The following PTK2 variants were observed in gnomAD, a reference collection of about 807,000 sequenced individuals.
The protein encoded by PTK2 is focal adhesion kinase 1.
PTK2 carries 45 observed loss-of-function variants against 150.1 expected under a neutral mutation model. That is an observed-to-expected ratio of 0.30 (90% CI 0.24 to 0.38). The LOEUF (loss-of-function observed/expected upper bound fraction) is 0.38. Among genes scored for constraint, PTK2 ranks in the 10% least tolerant of loss-of-function variants. The pLI is 1.00. For synonymous variants in PTK2, 432 were observed against 449.2 expected, an observed-to-expected ratio of 0.96 and a Z score of 0.48; for missense variants, 919 against 1,307.3, an observed-to-expected ratio of 0.70 and a Z score of 4.58.
At chr8:140,981,648 A>C (rs1294501634) in intron 1 of PTK2, among the ~76,000 whole-genome samples, 7 of 152,256 alleles carry the variant, frequency 4.6e-5, no homozygotes, top group Non-Finnish European at 8.8e-5. Flanking sequence ...GTTTCACGGC[A>C]TGTGAAAATT....
At chr8:140,789,873 G>GA (rs1327300689) in intron 13 of PTK2, among the ~76,000 whole-genome samples, 1 of 151,546 alleles carries the variant, frequency 6.6e-6, no homozygotes, top group Non-Finnish European at 1.5e-5. Flanking sequence ...AAAGTTATGA[G>GA]AAAAAAAACA....
intron 2 of PTK2, among the ~76,000 whole-genome samples, chr8:140,905,502 A>C (rs1195264336): frequency 1.3e-5 from 2 of 152,230 alleles, no homozygotes; most frequent in Non-Finnish European, 2.9e-5. Flanking sequence ...ATATGCACCC[A>C]ATACAGGAGC....
intron 13 of PTK2, among the ~76,000 whole-genome samples, chr8:140,791,008 C>A (rs549575543): frequency 1.3e-5 from 2 of 152,324 alleles, no homozygotes; most frequent in East Asian, 3.9e-4. Flanking sequence ...CAGCTCTTAT[C>A]TGATCAACAG....
chr8:140,905,146 C>G (rs765021884), intron 2 of PTK2, among the ~76,000 whole-genome samples: 47 of 152,182 alleles, frequency 3.1e-4, no homozygotes, highest in Non-Finnish European at 4.0e-4. Flanking sequence ...TATAAATTTC[C>G]CTCTAAACAC....
chr8:140,933,821 T>A (rs574021980), intron 1 of PTK2, among the ~76,000 whole-genome samples: 1 of 152,138 alleles, frequency 6.6e-6, no homozygotes, highest in East Asian at 1.9e-4. Context: ...GTGGTGATTG[T>A]ACTCATTGTA....
chr8:140,955,310 C>A (rs1050051569), intron 1 of PTK2, among the ~76,000 whole-genome samples: 2 of 152,132 alleles, frequency 1.3e-5, no homozygotes, highest in Non-Finnish European at 2.9e-5. Context: ...ATAAGTCTCA[C>A]AAGATCTGAG....
At chr8:140,764,587 AC>A (rs1351401088) in intron 14 of PTK2, 8 of 427,878 alleles carry the variant, frequency 1.9e-5, no homozygotes, top group African/African-American at 1.6e-4. Context: ...CTTCAAATTA[AC>A]CAATCTACCA....
At chr8:140,915,363 GACCAGACCAGAT>G (rs1424828119) in intron 2 of PTK2, among the ~76,000 whole-genome samples, 2 of 151,988 alleles carry the variant, frequency 1.3e-5, no homozygotes, top group Admixed American at 1.3e-4. Flanking sequence ...AGGAGTTTGA[GACCAGACCAGAT>G]GACACAGCAA....
At chr8:140,744,556 G>T in intron 19 of PTK2, 96 bp downstream of exon 22, 2 of 636,022 alleles carry the variant, frequency 3.1e-6, no homozygotes, top group East Asian at 2.6e-5. Context: ...AGGGGACCCT[G>T]GATCCAAAAG....
intron 27 of PTK2, among the ~76,000 whole-genome samples, chr8:140,685,830 A>G (rs528246669): frequency 2.0e-5 from 3 of 152,212 alleles, no homozygotes; most frequent in Non-Finnish European, 4.4e-5. Flanking sequence ...CAATTTGGCG[A>G]TGTCTCAGAA....
intron 25 of PTK2, among the ~76,000 whole-genome samples, 200 bp downstream of exon 28, chr8:140,702,370 C>A (rs1196839157): frequency 6.6e-6 from 1 of 150,700 alleles, no homozygotes; most frequent in Admixed American, 6.6e-5. Flanking sequence ...CAGGCACATA[C>A]CACCATACGT....
intron 2 of PTK2, among the ~76,000 whole-genome samples, chr8:140,896,798 G>T (rs2100156470): frequency 2.0e-5 from 2 of 101,670 alleles, no homozygotes; most frequent in African/African-American, 6.2e-5. Flanking sequence ...CGGGGGGGGG[G>T]GGTGGGTAAA....
At chr8:140,818,130 A>G (rs1397368299) in intron 10 of PTK2, 147 bp downstream of exon 10, 2 of 692,352 alleles carry the variant, frequency 2.9e-6, no homozygotes, top group Non-Finnish European at 4.9e-6. Flanking sequence ...ACTTTCTCTT[A>G]CTTGTCCCCC....
chr8:140,893,170 T>C (rs2100154799), intron 2 of PTK2, among the ~76,000 whole-genome samples: 1 of 151,904 alleles, frequency 6.6e-6, no homozygotes, highest in Non-Finnish European at 1.5e-5. Context: ...TCTATAAAAA[T>C]TAACTGGGCA....
intron 1 of PTK2, among the ~76,000 whole-genome samples, chr8:140,944,289 T>C (rs765407815): frequency 2.6e-5 from 4 of 152,228 alleles, no homozygotes; most frequent in African/African-American, 7.2e-5. Context: ...AATACTGCAT[T>C]TTAACACGAC....
At chr8:140,967,408 G>C (rs2100185665) in intron 1 of PTK2, among the ~76,000 whole-genome samples, 1 of 151,716 alleles carries the variant, frequency 6.6e-6, no homozygotes, top group South Asian at 2.1e-4. Context: ...ATGTCTGTTT[G>C]ATGCTAAGTG....
At chr8:140,960,063 G>A (rs1324283900) in intron 1 of PTK2, among the ~76,000 whole-genome samples, 1 of 150,666 alleles carries the variant, frequency 6.6e-6, no homozygotes, top group African/African-American at 2.4e-5. Flanking sequence ...ACCTACCTGT[G>A]GTTATCCCTG....
chr8:140,879,724 CA>C (rs1244026496), intron 3 of PTK2, 87 bp from the exon 4 acceptor site: 933 of 790,422 alleles, frequency 1.2e-3, no homozygotes, highest in East Asian at 1.8e-3. Flanking sequence ...AAAAACAAAA[CA>C]AAAAAAAAAC....
At chr8:140,786,350 G>C (rs1270336381) in intron 14 of PTK2, among the ~76,000 whole-genome samples, 2 of 152,150 alleles carry the variant, frequency 1.3e-5, no homozygotes. Flanking sequence ...ACCTTGGTGT[G>C]TCAGCACTAC....
Sources: gnomAD v4.1 joint callset for allele counts (sites outside exome capture counted in the v4.1 genomes callset) on GRCh38, gnomAD v4.1.1 for gene constraint, MANE v1.5 for transcripts, NCBI Gene and HGNC (gene_info 2026-07-23, HGNC 2026-07-21) for gene names.